TSPAN7: variants seen among roughly 807,000 people sequenced by gnomAD.
TSPAN7 encodes the protein tetraspanin 7, also known as tetraspanin-7.
A neutral mutation model predicts 17.6 loss-of-function variants in TSPAN7; 1 was observed. That is an observed-to-expected ratio of 0.06 (90% CI 0.02 to 0.27). The LOEUF is 0.27. TSPAN7 is among the 10% of genes least tolerant of loss of function. TSPAN7 has a pLI of 1.00. For synonymous variants in TSPAN7, 78 were observed against 79.0 expected, an observed-to-expected ratio of 0.99 and a Z score of 0.07; for missense variants, 112 against 201.7, an observed-to-expected ratio of 0.56 and a Z score of 2.69.
chrX:38,593,388 G>T (rs770037310), intron 1 of TSPAN7, among the ~76,000 whole-genome samples: 108 of 111,097 alleles, frequency 9.7e-4, no homozygotes, highest in Non-Finnish European at 1.7e-3. Flanking sequence ...GAAACTAGGG[G>T]CTGGGTGCTA....
chrX:38,562,873 T>A, intron 1 of TSPAN7: 1 of 621,665 alleles, frequency 1.6e-6, no homozygotes, highest in Non-Finnish European at 2.1e-6. Context: ...AATCTGAGGC[T>A]CTGTAGGAAA....
intron 1 of TSPAN7, among the ~76,000 whole-genome samples, chrX:38,606,727 A>T (rs761055210): frequency 8.9e-6 from 1 of 111,996 alleles, no homozygotes; most frequent in East Asian, 2.8e-4. Context: ...GTTACACCTA[A>T]ATTGGAGCTT....
chrX:38,669,509 T>TA (rs1377689349), intron 2 of TSPAN7, among the ~76,000 whole-genome samples: 1 of 111,832 alleles, frequency 8.9e-6, no homozygotes, highest in Non-Finnish European at 1.9e-5. Flanking sequence ...CTCTAACCCC[T>TA]ACTGACCTGT....
intron 1 of TSPAN7, among the ~76,000 whole-genome samples, chrX:38,589,430 T>A (rs905566628): frequency 8.9e-6 from 1 of 112,118 alleles, no homozygotes; most frequent in Admixed American, 9.5e-5. Flanking sequence ...ACTTAAATCT[T>A]TGTCTTCGCA....
chrX:38,646,318 T>A, intron 1 of TSPAN7: 1 of 1,152,244 alleles, frequency 8.7e-7, no homozygotes, highest in South Asian at 1.9e-5. Context: ...CTTTGGTAAG[T>A]AAATTTTGTT....
intron 5 of TSPAN7, among the ~76,000 whole-genome samples, chrX:38,678,852 A>G (rs774565231): frequency 9.8e-5 from 11 of 111,891 alleles, no homozygotes; most frequent in Non-Finnish European, 2.1e-4. Context: ...GGGCATATGA[A>G]GTGTCGGGAG....
At chrX:38,563,046 G>A in intron 1 of TSPAN7, 3 of 971,081 alleles carry the variant, frequency 3.1e-6, no homozygotes, top group Non-Finnish European at 4.0e-6. Context: ...AATGGTCAAG[G>A]AAGAAGCAGA....
At chrX:38,572,066 A>G (rs1218267887) in intron 1 of TSPAN7, among the ~76,000 whole-genome samples, 1 of 91,519 alleles carries the variant, frequency 1.1e-5, no homozygotes, top group African/African-American at 7.0e-5. Flanking sequence ...TGTCAAAGAC[A>G]AACCTCTGTC....
intron 1 of TSPAN7, among the ~76,000 whole-genome samples, chrX:38,659,976 A>G (rs1450137906): frequency 1.9e-5 from 2 of 107,624 alleles, no homozygotes; most frequent in African/African-American, 6.8e-5. Context: ...ACAGGCACGC[A>G]CCACCACAGC....
chrX:38,579,458 C>T (rs1245575765), intron 1 of TSPAN7, among the ~76,000 whole-genome samples: 19 of 109,630 alleles, frequency 1.7e-4, no homozygotes, highest in Admixed American at 2.9e-4. Flanking sequence ...TGGTAGCATG[C>T]GCCTATAATC....
chrX:38,577,160 G>A (rs997788032), intron 1 of TSPAN7, among the ~76,000 whole-genome samples: 3 of 111,804 alleles, frequency 2.7e-5, no homozygotes, highest in Non-Finnish European at 5.6e-5. Context: ...TCATGAAAAT[G>A]CAGACCTTAG....
At chrX:38,646,371 A>AT (rs2069646112) in intron 1 of TSPAN7, 1 of 1,048,605 alleles carries the variant, frequency 9.5e-7, no homozygotes, top group Non-Finnish European at 1.3e-6. Flanking sequence ...TAGCTGTGGG[A>AT]TTTTGTGAAG....
rs775725917 is a variant in TSPAN7 at position 38,629,376 on chromosome X, A to G, written c.82-36745A>G. The stretch of plus-strand genomic sequence containing the variant: ...GGGACAATACACTTGAATTACTTAA[A>G]TTGCATCCCTAATTATCACACGGTT... On this transcript the variant is annotated intron_variant, in intron 1 of 7. Coordinates refer to ENST00000378482, the MANE Select transcript of TSPAN7 (RefSeq NM_004615.4). 2.4e-3 allele frequency among the ~76,000 whole-genome samples: 275 copies of G among 112,355 alleles called. 3 individuals are homozygous for G. The highest frequency in any genetic ancestry group is 8.5e-3 in the African/African-American group (263 of 30,930).
chrX:38,628,804 TA>T (rs778607625), intron 1 of TSPAN7, among the ~76,000 whole-genome samples: 1 of 111,902 alleles, frequency 8.9e-6, no homozygotes, highest in East Asian at 2.8e-4. Context: ...ACATCATCAT[TA>T]AAAGGAATGC....
intron 1 of TSPAN7, among the ~76,000 whole-genome samples, chrX:38,646,029 A>G (rs1354780617): frequency 9.0e-6 from 1 of 111,551 alleles, no homozygotes; most frequent in African/African-American, 3.3e-5. Flanking sequence ...GTTTAAGTTA[A>G]GGTACTTCTT....
intron 1 of TSPAN7, among the ~76,000 whole-genome samples, chrX:38,613,577 G>A (rs1365415337): frequency 3.6e-5 from 4 of 111,465 alleles, no homozygotes; most frequent in African/African-American, 1.3e-4. Flanking sequence ...GTTATTAGAT[G>A]CCCTAGAGAA....
At chrX:38,644,169 G>T (rs192530686) in intron 1 of TSPAN7, among the ~76,000 whole-genome samples, 165 of 112,065 alleles carry the variant, frequency 1.5e-3, no homozygotes, top group African/African-American at 5.0e-3. Flanking sequence ...TCAGTAGGGT[G>T]ATGTATAGGC....
chrX:38,658,829 A>G (rs896523564), intron 1 of TSPAN7, among the ~76,000 whole-genome samples: 11 of 111,349 alleles, frequency 9.9e-5, no homozygotes, highest in East Asian at 5.7e-4. Flanking sequence ...CCCAAACCCA[A>G]TAGAAAACAG....
intron 1 of TSPAN7, among the ~76,000 whole-genome samples, chrX:38,663,645 G>A (rs1422136922): frequency 1.8e-5 from 2 of 112,336 alleles, no homozygotes; most frequent in Non-Finnish European, 3.8e-5. Flanking sequence ...CTTACATGAG[G>A]AGAGGGTTCA....
Sources: gnomAD v4.1 joint callset for allele counts (sites outside exome capture counted in the v4.1 genomes callset) on GRCh38, gnomAD v4.1.1 for gene constraint, MANE v1.5 for transcripts, NCBI Gene and HGNC (gene_info 2026-07-23, HGNC 2026-07-21) for gene names.